VAV3: variants seen among roughly 807,000 people sequenced by gnomAD.
The protein encoded by VAV3 is vav guanine nucleotide exchange factor 3.
A neutral mutation model predicts 131.2 loss-of-function variants in VAV3; 94 were observed. That is an observed-to-expected ratio of 0.72 (90% CI 0.61 to 0.85). The LOEUF (loss-of-function observed/expected upper bound fraction) is 0.85. Ranked by LOEUF, VAV3 falls within the 40% of genes least tolerant of loss-of-function variation. The pLI is 0.00. For synonymous variants in VAV3, 349 were observed against 342.0 expected, an observed-to-expected ratio of 1.02 and a Z score of -0.22; for missense variants, 939 against 1,002.7, an observed-to-expected ratio of 0.94 and a Z score of 0.86.
chr1:107,819,603 GCACTTTTTCAAAAAAGTGAAAATATAT>G (rs1667708151), intron 2 of VAV3, among the ~76,000 whole-genome samples: 1 of 151,734 alleles, frequency 6.6e-6, no homozygotes, highest in African/African-American at 2.4e-5. Flanking sequence ...GCCTCAAATT[GCACTTTTTCAAAAAAGTGAAAATATAT>G]CACTTTTTAA....
intron 1 of VAV3, among the ~76,000 whole-genome samples, chr1:107,877,370 C>A (rs1322161851): frequency 6.6e-6 from 1 of 152,164 alleles, no homozygotes; most frequent in Non-Finnish European, 1.5e-5. Context: ...CACCAAGGAA[C>A]AAAGCATAAT....
At chr1:107,706,053 A>G (rs1660431911) in intron 15 of VAV3, among the ~76,000 whole-genome samples, 1 of 152,146 alleles carries the variant, frequency 6.6e-6, no homozygotes, top group African/African-American at 2.4e-5. Flanking sequence ...GGTTTTTGCT[A>G]TTATTTTTGA....
chr1:107,679,712 G>A (rs955237525), intron 19 of VAV3, among the ~76,000 whole-genome samples: 1 of 152,122 alleles, frequency 6.6e-6, no homozygotes, highest in Non-Finnish European at 1.5e-5. Flanking sequence ...GACCTTGAGT[G>A]CCACTTTAGG....
chr1:107,664,167 CTT>C (rs1338936582), intron 19 of VAV3, among the ~76,000 whole-genome samples: 1 of 152,118 alleles, frequency 6.6e-6, no homozygotes, highest in African/African-American at 2.4e-5. Flanking sequence ...TACAATCACT[CTT>C]TGCCCTCCCC....
intron 4 of VAV3, among the ~76,000 whole-genome samples, chr1:107,775,720 A>G (rs1258905567): frequency 6.6e-6 from 1 of 152,024 alleles, no homozygotes; most frequent in Non-Finnish European, 1.5e-5. Flanking sequence ...AACTGGCACT[A>G]TCTTGCTTAC....
At chr1:107,685,079 T>C (rs1307307914) in intron 18 of VAV3, among the ~76,000 whole-genome samples, 1 of 152,122 alleles carries the variant, frequency 6.6e-6, no homozygotes, top group Non-Finnish European at 1.5e-5. Flanking sequence ...AAAAAATGAA[T>C]TTAACTCTTT....
intron 15 of VAV3, among the ~76,000 whole-genome samples, chr1:107,737,683 A>G (rs545748016): frequency 1.3e-5 from 2 of 152,364 alleles, no homozygotes; most frequent in South Asian, 2.1e-4. Context: ...TAGAATGGCG[A>G]TCATTAAAAA....
At chr1:107,657,999 T>G (rs1656704228) in intron 19 of VAV3, among the ~76,000 whole-genome samples, 2 of 152,234 alleles carry the variant, frequency 1.3e-5, no homozygotes. Context: ...AGAATTTATA[T>G]GAGGATGTAA....
At chr1:107,871,870 C>T (rs1670269094) in intron 2 of VAV3, among the ~76,000 whole-genome samples, 1 of 152,156 alleles carries the variant, frequency 6.6e-6, no homozygotes, top group Admixed American at 6.6e-5. Flanking sequence ...TAAGAATTGA[C>T]TGCATGTGTA....
intron 1 of VAV3, among the ~76,000 whole-genome samples, chr1:107,926,022 G>T (rs1248360775): frequency 1.3e-5 from 2 of 152,080 alleles, no homozygotes; most frequent in Admixed American, 1.3e-4. Flanking sequence ...GTGGCTGCCT[G>T]TAATCTCAGC....
intron 15 of VAV3, among the ~76,000 whole-genome samples, chr1:107,709,014 T>C (rs1052182155): frequency 2.6e-5 from 4 of 152,096 alleles, no homozygotes; most frequent in South Asian, 4.1e-4. Flanking sequence ...ATAGACACAC[T>C]AGAAAATAAT....
intron 1 of VAV3, among the ~76,000 whole-genome samples, chr1:107,892,488 C>T (rs1042433047): frequency 1.3e-5 from 2 of 152,110 alleles, no homozygotes; most frequent in Admixed American, 6.5e-5. Context: ...CTCTTCACTC[C>T]CCTGTAAATT....
At chr1:107,863,571 A>G (rs374015352) in intron 2 of VAV3, among the ~76,000 whole-genome samples, 23 of 152,316 alleles carry the variant, frequency 1.5e-4, no homozygotes, top group Middle Eastern at 6.8e-3. Context: ...CCCCTGTTGC[A>G]TCTTACACTC....
chr1:107,614,096 A>G (rs1652956493), intron 21 of VAV3, among the ~76,000 whole-genome samples: 1 of 151,996 alleles, frequency 6.6e-6, no homozygotes, highest in African/African-American at 2.4e-5. Flanking sequence ...GCATATCATC[A>G]TCAGTGGGAT....
At chr1:107,874,386 A>C (rs1670390481) in intron 2 of VAV3, among the ~76,000 whole-genome samples, 2 of 152,230 alleles carry the variant, frequency 1.3e-5, no homozygotes, top group Admixed American at 6.5e-5. Context: ...ATTATTCAAC[A>C]ATCTTGAACA....
chr1:107,705,418 G>A (rs756174164), intron 15 of VAV3, among the ~76,000 whole-genome samples: 3 of 150,992 alleles, frequency 2.0e-5, no homozygotes, highest in African/African-American at 4.9e-5. Flanking sequence ...CTGTAGCCAC[G>A]CCACTGAAAT....
At chr1:107,610,197 T>G (rs1426107054) in intron 21 of VAV3, among the ~76,000 whole-genome samples, 2 of 152,190 alleles carry the variant, frequency 1.3e-5, no homozygotes, top group Non-Finnish European at 2.9e-5. Flanking sequence ...ACTGTAACTC[T>G]AAGAGGAGAG....
chr1:107,887,452 C>T (rs774145302), intron 1 of VAV3, among the ~76,000 whole-genome samples: 158 of 152,126 alleles, frequency 1.0e-3, no homozygotes, highest in African/African-American at 3.5e-3. Flanking sequence ...TAGAAATCTG[C>T]CCAACACATA....
At chr1:107,755,277 A>G (rs1664033202) in intron 12 of VAV3, 150 bp downstream of exon 12, 4 of 605,090 alleles carry the variant, frequency 6.6e-6, no homozygotes, top group Non-Finnish European at 1.2e-5. Context: ...GTGCCCTCAG[A>G]CACCCACATG....
Sources: gnomAD v4.1 joint callset for allele counts (sites outside exome capture counted in the v4.1 genomes callset) on GRCh38, gnomAD v4.1.1 for gene constraint, MANE v1.5 for transcripts, NCBI Gene and HGNC (gene_info 2026-07-23, HGNC 2026-07-21) for gene names.